The following PTPRD variants were observed in gnomAD, a reference collection of about 807,000 sequenced individuals.
PTPRD encodes receptor-type tyrosine-protein phosphatase delta.
PTPRD carries 34 observed loss-of-function variants against 214.5 expected under a neutral mutation model. That is an observed-to-expected ratio of 0.16 (90% CI 0.12 to 0.21). The LOEUF is 0.21. Ranked by LOEUF, PTPRD falls within the 10% of genes least tolerant of loss-of-function variation. PTPRD has a pLI of 1.00. For synonymous variants in PTPRD, 1,128 were observed against 845.7 expected (o/e 1.33, Z -5.79); for missense variants, 2,545 against 2,398.7 (o/e 1.06, Z -1.27).
At chr9:9,895,847 T>C (rs2074814415) in intron 5 of PTPRD, among the ~76,000 whole-genome samples, 1 of 152,112 alleles carries the variant, frequency 6.6e-6, no homozygotes, top group South Asian at 2.1e-4. Flanking sequence ...TTTTTATAGT[T>C]ATGATAAATA....
intron 12 of PTPRD, among the ~76,000 whole-genome samples, chr9:8,672,535 C>T (rs930300208): frequency 6.6e-6 from 1 of 152,088 alleles, no homozygotes; most frequent in Non-Finnish European, 1.5e-5. Context: ...ACACATTTAA[C>T]TCTACCTTCT....
intron 2 of PTPRD, among the ~76,000 whole-genome samples, chr9:10,479,439 AACTC>A (rs2099082752): frequency 6.6e-6 from 1 of 152,050 alleles, no homozygotes; most frequent in African/African-American, 2.4e-5. Context: ...ACCTAAAAGA[AACTC>A]AAACTTAACT....
At chr9:9,060,361 G>C (rs1423420587) in intron 10 of PTPRD, among the ~76,000 whole-genome samples, 1 of 152,044 alleles carries the variant, frequency 6.6e-6, no homozygotes, top group East Asian at 1.9e-4. Context: ...ATCACTTCTA[G>C]AAGAATTTTA....
chr9:9,962,579 T>G (rs1352393177), intron 4 of PTPRD, among the ~76,000 whole-genome samples: 1 of 152,060 alleles, frequency 6.6e-6, no homozygotes, highest in East Asian at 1.9e-4. Context: ...CCGTTGCCCT[T>G]TTTTTCTACA....
At chr9:9,835,750 C>G (rs1422050445) in intron 5 of PTPRD, among the ~76,000 whole-genome samples, 1 of 152,022 alleles carries the variant, frequency 6.6e-6, no homozygotes, top group East Asian at 1.9e-4. Context: ...CACAGGACTC[C>G]ATCATAACAC....
chr9:9,078,098 G>T (rs1015254895), intron 10 of PTPRD, among the ~76,000 whole-genome samples: 2 of 151,930 alleles, frequency 1.3e-5, no homozygotes, highest in African/African-American at 4.8e-5. Flanking sequence ...TATAACATTT[G>T]AGTCCTTGAA....
At chr9:9,942,895 G>A (rs77415397) in intron 4 of PTPRD, among the ~76,000 whole-genome samples, 3 of 120,142 alleles carry the variant, frequency 2.5e-5, no homozygotes, top group Non-Finnish European at 5.0e-5. Context: ...GCTCTGAGTT[G>A]TTTTTTTTTT....
At chr9:8,809,306 T>G (rs2096753236) in intron 11 of PTPRD, among the ~76,000 whole-genome samples, 1 of 152,134 alleles carries the variant, frequency 6.6e-6, no homozygotes, top group Non-Finnish European at 1.5e-5. Flanking sequence ...TGCTTCCAAG[T>G]TTCTTATAAT....
At position 8,353,864 on chromosome 9, in the gene PTPRD, A is replaced by ATATATGAATATATGTGTATATG. The variant is rs1564200587; in HGVS notation, c.4662-11887_4662-11886insCATATACACATATATTCATATA. 6.5e-4 allele frequency among the ~76,000 whole-genome samples: 67 copies of ATATATGAATATATGTGTATATG among 102,886 alleles called. 1 individual carries two copies. The highest frequency in any genetic ancestry group is 3.1e-3 in the African/African-American group (60 of 19,520). The allele number at this position is 102,886 out of a possible 152,430, so 67.5% of individuals were successfully genotyped here. ...TGTATATATGTATATATGTGTATATATGTATATATGTATATATGTGTATAT... is the reference window on the plus strand; with the variant it reads ...TGTATATATGTATATATGTGTATATATATATGAATATATGTGTATATGTGTATATATGTATATATGTGTATAT... On this transcript the variant is annotated intron_variant, in intron 39 of 45. Transcript: ENST00000381196.
intron 11 of PTPRD, among the ~76,000 whole-genome samples, chr9:8,927,844 T>C (rs1198741961): frequency 6.6e-6 from 1 of 152,202 alleles, no homozygotes; most frequent in East Asian, 1.9e-4. Context: ...AGCATTCCTA[T>C]TTCTCTACAT....
At chr9:10,549,246 C>T (rs562213001) in intron 2 of PTPRD, among the ~76,000 whole-genome samples, 1 of 152,186 alleles carries the variant, frequency 6.6e-6, no homozygotes, top group East Asian at 1.9e-4. Context: ...AGTAGTTGAA[C>T]ATAATGCAAT....
intron 9 of PTPRD, among the ~76,000 whole-genome samples, chr9:9,359,689 A>G (rs1385944126): frequency 6.6e-6 from 1 of 151,244 alleles, no homozygotes; most frequent in East Asian, 2.0e-4. Flanking sequence ...CTTGGTTCTA[A>G]GCTGATTTTC....
chr9:9,540,218 A>T (rs2077298702), intron 8 of PTPRD, among the ~76,000 whole-genome samples: 1 of 151,562 alleles, frequency 6.6e-6, no homozygotes. Context: ...GTGTGACAGG[A>T]TCAGATGAGA....
intron 8 of PTPRD, among the ~76,000 whole-genome samples, chr9:9,495,614 G>A (rs535435830): frequency 7.9e-4 from 120 of 152,184 alleles, no homozygotes; most frequent in Middle Eastern, 3.4e-3. Context: ...CTGACTTAGG[G>A]GAAGATGATC....
chr9:10,350,209 C>G (rs1287115364), intron 2 of PTPRD, among the ~76,000 whole-genome samples: 1 of 152,010 alleles, frequency 6.6e-6, no homozygotes, highest in Non-Finnish European at 1.5e-5. Context: ...GAGGCCTTAT[C>G]AGTTTTTAAA....
At chr9:9,228,822 T>G (rs1025949268) in intron 9 of PTPRD, among the ~76,000 whole-genome samples, 6 of 152,152 alleles carry the variant, frequency 3.9e-5, no homozygotes, top group Non-Finnish European at 7.4e-5. Context: ...TTTTTGTTTC[T>G]TATAGTTACT....
intron 2 of PTPRD, among the ~76,000 whole-genome samples, chr9:10,500,446 A>G (rs546395619): frequency 2.6e-5 from 4 of 152,008 alleles, no homozygotes; most frequent in Non-Finnish European, 5.9e-5. Context: ...AGGTATCTAT[A>G]TTTTTATGTG....
Position 8,340,479 on chromosome 9 carries a change from A to C in PTPRD, c.5127-10T>G, listed in dbSNP as rs1258466233. 1 of 1,567,842 alleles carries C rather than the reference A, an allele frequency of 6.4e-7. No individual in the cohort carries two copies. Among genetic ancestry groups the C allele is most frequent in the Non-Finnish European group, 8.7e-7 (1 of 1,146,998 alleles). On this transcript the variant is annotated splice_polypyrimidine_tract_variant and intron_variant, in intron 41 of 45. Transcript: ENST00000381196. ...GTAGGCTTTCTGTTGTCTGAATTAC[A>C]GAGAATGAAAAGAATGTGTTAAAGT...
chr9:9,227,826 T>G (rs1291183117), intron 9 of PTPRD, among the ~76,000 whole-genome samples: 1 of 152,062 alleles, frequency 6.6e-6, no homozygotes, highest in Non-Finnish European at 1.5e-5. Flanking sequence ...TTCCAACCCT[T>G]TAGATGACTG....
Sources: gnomAD v4.1 joint callset for allele counts (sites outside exome capture counted in the v4.1 genomes callset) on GRCh38, gnomAD v4.1.1 for gene constraint, MANE v1.5 for transcripts, NCBI Gene and HGNC (gene_info 2026-07-23, HGNC 2026-07-21) for gene names.